STK32B: variants seen among roughly 807,000 people sequenced by gnomAD.
STK32B encodes serine/threonine kinase 32B, also known as serine/threonine-protein kinase 32B.
In STK32B, 43 loss-of-function variants were observed where a neutral mutation model predicts 52.6. The ratio of observed to expected loss-of-function variants is 0.82; its 90% CI spans 0.64 to 1.05. The LOEUF (loss-of-function observed/expected upper bound fraction) is 1.05, where lower values mean the gene tolerates loss of function less well. Among genes scored for constraint, STK32B ranks in the 50% least tolerant of loss-of-function variants. The pLI, the probability that STK32B is intolerant of heterozygous loss-of-function variation, is 0.00. For missense variants in STK32B, 621 were observed against 534.6 expected, an observed-to-expected ratio of 1.16 and a Z score of -1.59; for synonymous variants, 238 against 204.3, an observed-to-expected ratio of 1.17 and a Z score of -1.41.
chr4:5,081,626 C>A (rs1050793376), intron 1 of STK32B, among the ~76,000 whole-genome samples: 1 of 152,032 alleles, frequency 6.6e-6, no homozygotes, highest in Admixed American at 6.6e-5. Flanking sequence ...TTTCATCTAG[C>A]TCAAAGATTC....
chr4:5,341,595 G>C (rs1204866167), intron 4 of STK32B, among the ~76,000 whole-genome samples: 1 of 152,144 alleles, frequency 6.6e-6, no homozygotes, highest in Non-Finnish European at 1.5e-5. Flanking sequence ...GAATAAATTT[G>C]CTATATTAGG....
At chr4:5,331,122 T>C in intron 3 of STK32B, 98 bp from the exon 4 acceptor site, 1 of 1,234,028 alleles carries the variant, frequency 8.1e-7, no homozygotes, top group Non-Finnish European at 1.1e-6. Context: ...TGCCTCTCTC[T>C]GAGCCTCAGT....
At chr4:5,202,165 G>A (rs947595864) in intron 3 of STK32B, among the ~76,000 whole-genome samples, 1 of 152,328 alleles carries the variant, frequency 6.6e-6, no homozygotes, top group Admixed American at 6.5e-5. Context: ...GTTCCAAGTA[G>A]GAGAAAATGG....
chr4:5,205,790 C>T (rs954096601), intron 3 of STK32B, among the ~76,000 whole-genome samples: 21 of 151,920 alleles, frequency 1.4e-4, no homozygotes, highest in African/African-American at 4.6e-4. Flanking sequence ...ATGTTCTATA[C>T]TCTGGGCCTT....
intron 2 of STK32B, among the ~76,000 whole-genome samples, chr4:5,142,179 A>G (rs182701410): frequency 2.6e-5 from 4 of 152,308 alleles, no homozygotes; most frequent in African/African-American, 7.2e-5. Flanking sequence ...AAAGTTGAGT[A>G]AGAAGTGATC....
At chr4:5,063,654 A>C (rs1242698775) in intron 1 of STK32B, among the ~76,000 whole-genome samples, 1 of 152,160 alleles carries the variant, frequency 6.6e-6, no homozygotes, top group African/African-American at 2.4e-5. Flanking sequence ...TAAATACCAA[A>C]ATTATTGAGA....
At chr4:5,490,000 G>C (rs1432139676) in intron 11 of STK32B, among the ~76,000 whole-genome samples, 1 of 151,850 alleles carries the variant, frequency 6.6e-6, no homozygotes, top group Non-Finnish European at 1.5e-5. Flanking sequence ...TTTTGTCATT[G>C]GATAGTAATA....
intron 3 of STK32B, among the ~76,000 whole-genome samples, chr4:5,271,436 G>A (rs552091046): frequency 5.6e-4 from 85 of 152,150 alleles, no homozygotes; most frequent in Non-Finnish European, 7.1e-4. Flanking sequence ...GTCAGGTAGT[G>A]TGATGCCTCC....
At chr4:5,345,804 A>G (rs1037465553) in intron 4 of STK32B, among the ~76,000 whole-genome samples, 1 of 152,254 alleles carries the variant, frequency 6.6e-6, no homozygotes. Context: ...AGCTTTCGTG[A>G]TGGAAACGTC....
At chr4:5,036,243 G>A in the STK32B span, among the ~76,000 whole-genome samples, 2 of 152,182 alleles carry the variant, frequency 1.3e-5, no homozygotes, top group African/African-American at 4.8e-5. Context: ...TGTGCACGGG[G>A]ACTATGCTTG....
At position 5,089,903 on chromosome 4, in the gene STK32B, C is replaced by G. The variant is rs536852473; in HGVS notation, c.52+37988C>G. On this transcript the variant is annotated intron_variant, in intron 1 of 11. Transcript: ENST00000282908. Reference sequence around the variant, plus strand: ...TGTTTCCTGACTTTTTAATAATCACCATTCTGACTGGCGTGAGATGGTATC... The same window carrying G: ...TGTTTCCTGACTTTTTAATAATCACGATTCTGACTGGCGTGAGATGGTATC... Among the ~76,000 whole-genome samples, 64 of 152,274 alleles carry G rather than the reference C, an allele frequency of 4.2e-4. No individual in the cohort carries two copies. In the South Asian group the frequency reaches 0.012, roughly 30 times the overall value.
At chr4:5,362,202 C>T (rs115243033) in intron 4 of STK32B, among the ~76,000 whole-genome samples, 163 of 152,174 alleles carry the variant, frequency 1.1e-3, no homozygotes, top group African/African-American at 3.8e-3. Context: ...TTGTGTTCCT[C>T]GATTTAAAGT....
intron 4 of STK32B, among the ~76,000 whole-genome samples, chr4:5,381,442 T>A (rs1439824966): frequency 6.6e-6 from 1 of 152,170 alleles, no homozygotes; most frequent in Non-Finnish European, 1.5e-5. Context: ...GCAGCTGCCC[T>A]CTCATCTGCA....
intron 5 of STK32B, among the ~76,000 whole-genome samples, chr4:5,408,596 G>A (rs11724992): frequency 0.12 from 18,880 of 152,084 alleles, 2,478 homozygotes; most frequent in African/African-American, 0.33. Context: ...CACCCTCCTC[G>A]TGGAAATTGA....
chr4:5,293,964 A>G (rs145245903), intron 3 of STK32B, among the ~76,000 whole-genome samples: 4,419 of 152,110 alleles, frequency 0.029, 197 homozygotes, highest in African/African-American at 0.096. Context: ...TTATTTTTCT[A>G]TAAGGTGTAA....
rs1310772208 is a variant in STK32B at position 5,497,796 on chromosome 4, GC to G, written c.1107-1148del. Among the ~76,000 whole-genome samples the G allele has an allele frequency of 3.3e-5, 5 of 152,150 alleles. No homozygotes were observed. The South Asian group carries it at 1.0e-3, about 31-fold the overall frequency. On this transcript the variant is annotated intron_variant, in intron 11 of 11. Coordinates refer to ENST00000282908, the MANE Select transcript of STK32B (RefSeq NM_018401.3). ...ATCTTAGGATAACCCTCAGGACCCT[GC>G]ATATAAGCAGCATACACAGAGGCTT...
chr4:5,148,467 TCC>T (rs1407848640), intron 2 of STK32B, among the ~76,000 whole-genome samples: 1 of 151,858 alleles, frequency 6.6e-6, no homozygotes, highest in African/African-American at 2.4e-5. Flanking sequence ...ATTTTATAAT[TCC>T]CCTTGTGATT....
At chr4:5,477,971 C>T (rs1048901525) in intron 11 of STK32B, among the ~76,000 whole-genome samples, 6 of 152,106 alleles carry the variant, frequency 3.9e-5, no homozygotes, top group Non-Finnish European at 5.9e-5. Flanking sequence ...CCAGCTGAGG[C>T]GGAAAAGCTC....
intron 3 of STK32B, among the ~76,000 whole-genome samples, chr4:5,209,534 G>GATTTCTTGA (rs762847484): frequency 1.1e-4 from 16 of 152,144 alleles, no homozygotes; most frequent in Non-Finnish European, 2.2e-4. Context: ...TAGAGCTTAC[G>GATTTCTTGA]ATTTCTTGAA....
Sources: allele counts gnomAD v4.1 joint callset (sites outside exome capture counted in the v4.1 genomes callset), GRCh38; gene constraint gnomAD v4.1.1; transcripts MANE v1.5; gene names NCBI Gene and HGNC (gene_info 2026-07-23, HGNC 2026-07-21).